Variants in SIGLEC9 observed in about 807,000 individuals in gnomAD.
SIGLEC9 encodes the protein sialic acid binding Ig like lectin 9.
SIGLEC9 carries 26 observed loss-of-function variants against 38.3 expected under a neutral mutation model. That is an observed-to-expected ratio of 0.68 (90% confidence interval 0.50 to 0.94). The LOEUF is 0.94. Among genes scored for constraint, SIGLEC9 ranks in the 40% least tolerant of loss-of-function variants. The pLI is 0.00. For synonymous variants in SIGLEC9, 236 were observed against 248.0 expected, an observed-to-expected ratio of 0.95 and a Z score of 0.45; for missense variants, 556 against 585.7, an observed-to-expected ratio of 0.95 and a Z score of 0.52.
intron 6 of SIGLEC9, among the ~76,000 whole-genome samples, chr19:51,129,367 G>A (rs374307583): frequency 6.6e-6 from 1 of 151,516 alleles, no homozygotes; most frequent in African/African-American, 2.4e-5. Flanking sequence ...CACTGTGTTA[G>A]CCAGGATGGT....
At chr19:51,134,157 T>TC (rs1555796977), downstream of SIGLEC9, among the ~76,000 whole-genome samples, 1 of 128,776 alleles carries the variant, frequency 7.8e-6, no homozygotes, top group Non-Finnish European at 1.6e-5. Flanking sequence ...CTTTTTTTTT[T>TC]TTTTTTTTTT....
In SIGLEC9 at chr19:51,125,846, C is replaced by T. The variant is rs772690300; in HGVS notation, c.671C>T (p.Thr224Met). The change falls in exon 2 of 7, where the codon ACG becomes ATG. Residue 224 changes from threonine (T) to methionine (M), a missense_variant. Coordinates refer to ENST00000250360, the MANE Select transcript of SIGLEC9 (RefSeq NM_014441.3). ...ACCTTCCCTGGGGCCAGCGTGACCA[C>T]GAACAAGACCGTCCATCTCAACGTG... ...QVTFPGASVTTNKTVHLNVSY... is the reference protein window; with the variant it reads ...QVTFPGASVTMNKTVHLNVSY... The T allele has an allele frequency of 6.8e-6, 11 of 1,613,994 alleles. No individual in the cohort carries two copies. The highest frequency in any genetic ancestry group is 4.4e-5 in the South Asian group (4 of 91,090).
upstream of SIGLEC9, among the ~76,000 whole-genome samples, chr19:51,121,738 C>T (rs965951938): frequency 1.3e-5 from 2 of 152,030 alleles, no homozygotes; most frequent in Non-Finnish European, 1.5e-5. Context: ...AGGAGCATGC[C>T]ACCATGCCTG....
chr19:51,124,077 C>A (rs1271849838), upstream of SIGLEC9, among the ~76,000 whole-genome samples: 1 of 152,140 alleles, frequency 6.6e-6, no homozygotes, highest in Non-Finnish European at 1.5e-5. Context: ...TGTGGCTGAG[C>A]GAGACATCGG....
At position 51,130,197 on chromosome 19, in the gene SIGLEC9, T is replaced by C. The variant is rs2092007933; in HGVS notation, c.*118T>C. On this transcript the variant is annotated 3_prime_UTR_variant, in exon 7 of 7. Transcript: ENST00000250360. ...AACGTGATGAGCTATGATAACACTA[T>C]GAATTATGTGCAGAGTGAAAAGCAC... The C allele has an allele frequency of 4.9e-6, 7 of 1,441,770 alleles. No homozygotes were observed. Among genetic ancestry groups the C allele is most frequent in the South Asian group, 4.5e-5 (3 of 66,966 alleles). The allele number at this position is 1,441,770 out of a possible 1,614,324, so 89.3% of individuals were successfully genotyped here.
upstream of SIGLEC9, among the ~76,000 whole-genome samples, chr19:51,121,571 C>G (rs2091950279): frequency 6.6e-6 from 1 of 150,654 alleles, no homozygotes. Flanking sequence ...CATGACCAGG[C>G]CCTTTGCTGT....
Position 51,125,615 on chromosome 19 carries a change from A to C in SIGLEC9, c.440A>C (p.Asn147Thr). 6.2e-7 allele frequency: 1 copy of C among 1,611,666 alleles called. No homozygotes were observed. The highest frequency in any genetic ancestry group is 8.5e-7 in the Non-Finnish European group (1 of 1,179,958). Reference protein sequence around the residue: ...VNVTALTHRPNILIPGTLESG... With the variant: ...VNVTALTHRPTILIPGTLESG... Reference sequence around the variant, plus strand: ...TCACCAGCCTTGACCCACAGGCCCAACATCCTCATCCCAGGCACCCTGGAG... The same window carrying C: ...TCACCAGCCTTGACCCACAGGCCCACCATCCTCATCCCAGGCACCCTGGAG... The change falls in exon 2 of 7, where the codon AAC becomes ACC. Residue 147 changes from asparagine to threonine, a missense_variant. Transcript: ENST00000250360.
chr19:51,129,275 C>T (rs1265403020), intron 6 of SIGLEC9, among the ~76,000 whole-genome samples: 1 of 151,892 alleles, frequency 6.6e-6, no homozygotes, highest in Non-Finnish European at 1.5e-5. Context: ...TCTCCTGCCT[C>T]AGCCTCCGGA....
rs2092006934 is a variant in SIGLEC9, at chr19:51,130,088, A to G, written c.*9A>G. Reference sequence around the variant, plus strand: ...TCAAGATCCACAGATGAGAAACTGCAGAGACTCACCCTGATTGAGGGATCA... The same window carrying G: ...TCAAGATCCACAGATGAGAAACTGCGGAGACTCACCCTGATTGAGGGATCA... On this transcript the variant is annotated 3_prime_UTR_variant, in exon 7 of 7. Coordinates refer to ENST00000250360, the MANE Select transcript of SIGLEC9 (RefSeq NM_014441.3). The G allele has an allele frequency of 1.9e-6, 3 of 1,604,502 alleles. No homozygotes were observed. Among genetic ancestry groups the G allele is most frequent in the Admixed American group, 1.7e-5 (1 of 59,102 alleles).
chr19:51,128,626 C>A (rs1261135128), intron 6 of SIGLEC9, 116 bp downstream of exon 6: 10 of 856,508 alleles, frequency 1.2e-5, no homozygotes, highest in Non-Finnish European at 1.8e-5. Context: ...TTCTTCCTTT[C>A]TTCTCTGTAG....
chr19:51,130,325 G>C (rs377118771), downstream of SIGLEC9: 49 of 579,834 alleles, frequency 8.5e-5, no homozygotes, highest in Middle Eastern at 1.2e-3. Context: ...TCTGTACCTT[G>C]GTTTCCTGCT....
Position 51,125,050 on chromosome 19 carries a change from C to T in SIGLEC9, c.76C>T (p.Gln26Ter). Residue 26 changes from glutamine (Q) to a stop codon, truncating the protein, a stop_gained, in exon 1 of 7, where the codon CAG (glutamine) becomes TAG (stop). Coordinates refer to ENST00000250360, the MANE Select transcript of SIGLEC9 (RefSeq NM_014441.3). LOFTEE classifies it high-confidence loss of function. ...ACAGACAAGTAAACTGCTGACGATG[C>T]AGAGTTCCGTGACGGTGCAGGAAGG... ...EGQTSKLLTM[Q>*]SSVTVQEGLC... 6 of 1,614,046 alleles carry T rather than the reference C, an allele frequency of 3.7e-6. No individual in the cohort carries two copies. Among genetic ancestry groups the T allele is most frequent in the Non-Finnish European group, 5.1e-6 (6 of 1,179,952 alleles).
intron 1 of SIGLEC9, 93 bp from the exon 2 acceptor site, chr19:51,125,504 G>T: frequency 6.4e-7 from 1 of 1,561,154 alleles, no homozygotes; most frequent in South Asian, 1.2e-5. Flanking sequence ...AAGCGAGTTG[G>T]CTCAGGGCAG....
At chr19:51,126,954 C>G in intron 3 of SIGLEC9, 76 bp from the exon 4 acceptor site, 4 of 1,342,780 alleles carry the variant, frequency 3.0e-6, no homozygotes, top group Non-Finnish European at 4.2e-6. Flanking sequence ...CAGTTGCTGT[C>G]ATCAGTCTCT....
chr19:51,135,175 C>T (rs967896948), downstream of SIGLEC9, among the ~76,000 whole-genome samples: 1 of 152,222 alleles, frequency 6.6e-6, no homozygotes, highest in African/African-American at 2.4e-5. Context: ...GGGTTATACA[C>T]TTAACCACTT....
upstream of SIGLEC9, among the ~76,000 whole-genome samples, chr19:51,121,672 C>T (rs563258452): frequency 6.6e-5 from 10 of 150,402 alleles, no homozygotes; most frequent in East Asian, 3.9e-4. Flanking sequence ...CTGCAACCTC[C>T]GCCTCCTTGG....
At position 51,127,186 on chromosome 19, in the gene SIGLEC9, C is replaced by CG. The variant is rs2091984284; in HGVS notation, c.910dup (p.Val304GlyfsTer14). The CG allele has an allele frequency of 1.9e-6, 3 of 1,614,260 alleles. No individual in the cohort carries two copies. Among genetic ancestry groups the CG allele is most frequent in the Non-Finnish European group, 2.5e-6 (3 of 1,180,054 alleles). On this transcript the variant is annotated frameshift_variant, in exon 4 of 7. Coordinates refer to ENST00000250360, the MANE Select transcript of SIGLEC9 (RefSeq NM_014441.3). LOFTEE classifies it high-confidence loss of function. ...CTGTGCCCCTCACAGCCCTCAAACC[C>CG]GGGGGTGCTGGAGCTGCCTTGGGTG... is the stretch of plus-strand genomic sequence containing the variant.
chr19:51,132,577 T>C (rs1427335715), downstream of SIGLEC9, among the ~76,000 whole-genome samples: 1 of 152,166 alleles, frequency 6.6e-6, no homozygotes, highest in Non-Finnish European at 1.5e-5. Context: ...CATTTTGGTT[T>C]AACAAACCCT....
Position 51,126,211 on chromosome 19 carries a change from CACTT to C in SIGLEC9, c.748+84_748+87del, listed in dbSNP as rs2122841428. ...GCTGGCTTATTCCTCAACCTGGACT[CACTT>C]TGGCAAACAGGGATGTCCTTGTGGG... On this transcript the variant is annotated intron_variant, in intron 3 of 6. Transcript: ENST00000250360. The C allele has an allele frequency of 3.0e-6, 4 of 1,353,326 alleles. No individual in the cohort carries two copies. The South Asian group carries it at 3.5e-5, about 12-fold the overall frequency. The allele number at this position is 1,353,326 out of a possible 1,614,324, so 83.8% of individuals were successfully genotyped here.
Sources: gnomAD v4.1 joint callset for allele counts (sites outside exome capture counted in the v4.1 genomes callset) on GRCh38, gnomAD v4.1.1 for gene constraint, MANE v1.5 for transcripts, NCBI Gene and HGNC (gene_info 2026-07-23, HGNC 2026-07-21) for gene names.